Variants in ZNF385B observed in about 807,000 individuals in gnomAD.
ZNF385B encodes the protein zinc finger protein 385B.
Under a neutral mutation model 39.2 loss-of-function variants are expected in ZNF385B, and 23 were observed. The observed-to-expected ratio is 0.59, with a 90% confidence interval of 0.42 to 0.83. The LOEUF is 0.83. Among genes scored for constraint, ZNF385B ranks in the 40% least tolerant of loss-of-function variants. The pLI, the probability that ZNF385B is intolerant of heterozygous loss-of-function variation, is 0.00. For synonymous variants in ZNF385B, 205 were observed against 222.6 expected (o/e 0.92, Z 0.70); for missense variants, 552 against 598.9 (o/e 0.92, Z 0.82).
At chr2:179,818,757 A>G (rs1442104297) in intron 1 of ZNF385B, among the ~76,000 whole-genome samples, 1 of 152,092 alleles carries the variant, frequency 6.6e-6, no homozygotes, top group Non-Finnish European at 1.5e-5. Context: ...CAAGTGACTC[A>G]CCGTCTGTCT....
chr2:179,725,355 C>T (rs1220908450), intron 3 of ZNF385B, among the ~76,000 whole-genome samples: 1 of 151,882 alleles, frequency 6.6e-6, no homozygotes, highest in Admixed American at 6.6e-5. Context: ...CTATGACATA[C>T]TTTGTATAGT....
At chr2:179,464,541 G>A (rs1432375200) in intron 6 of ZNF385B, among the ~76,000 whole-genome samples, 1 of 152,124 alleles carries the variant, frequency 6.6e-6, no homozygotes, top group African/African-American at 2.4e-5. Flanking sequence ...TGTAAGGAAG[G>A]GGTCCAGTTT....
intron 1 of ZNF385B, among the ~76,000 whole-genome samples, chr2:179,796,613 G>T (rs976985692): frequency 2.6e-5 from 4 of 152,198 alleles, no homozygotes; most frequent in Admixed American, 2.0e-4. Context: ...TTCAGAGAGT[G>T]GCTAGTACTG....
rs553874692 is a variant in ZNF385B at position 179,555,210 on chromosome 2, T to G, written c.299-10241A>C. On this transcript the variant is annotated intron_variant, in intron 3 of 9. Transcript: ENST00000410066. ...ACCAATAGATCTTGCAAGCATAACG[T>G]TGAAGAAAAGAACTAAAATAAAGGA... Among the ~76,000 whole-genome samples the G allele has an allele frequency of 1.2e-4, 18 of 149,766 alleles. No individual in the cohort carries two copies. The South Asian group carries it at 3.6e-3, about 30-fold the overall frequency.
intron 3 of ZNF385B, among the ~76,000 whole-genome samples, chr2:179,599,361 G>T (rs891497841): frequency 6.6e-6 from 1 of 151,802 alleles, no homozygotes; most frequent in African/African-American, 2.4e-5. Flanking sequence ...ACAGTAAAAA[G>T]CAATGGAAAC....
At chr2:179,722,982 A>G (rs947745721) in intron 3 of ZNF385B, among the ~76,000 whole-genome samples, 14 of 152,204 alleles carry the variant, frequency 9.2e-5, no homozygotes, top group African/African-American at 3.4e-4. Context: ...TACCAGGGAT[A>G]TGCAAATTAA....
At chr2:179,727,517 C>G (rs1290587786) in intron 3 of ZNF385B, among the ~76,000 whole-genome samples, 2 of 152,040 alleles carry the variant, frequency 1.3e-5, no homozygotes, top group African/African-American at 2.4e-5. Context: ...AAGGAGTAAT[C>G]ATGGGAAACA....
intron 1 of ZNF385B, among the ~76,000 whole-genome samples, chr2:179,815,232 T>A (rs999651030): frequency 1.3e-5 from 2 of 152,094 alleles, no homozygotes; most frequent in African/African-American, 4.8e-5. Flanking sequence ...AGAGAATAGG[T>A]AGAGAGACTT....
rs532824149 is a variant in ZNF385B at position 179,685,325 on chromosome 2, C to T, written c.298+84178G>A. ...TTTCCAGATCATCAATCTTCATTCT[C>T]CAGACAGATACAATTGTTTGAAGTG... is the stretch of plus-strand genomic sequence containing the variant. On this transcript the variant is annotated intron_variant, in intron 3 of 9. Coordinates refer to ENST00000410066, the MANE Select transcript of ZNF385B (RefSeq NM_152520.6). Among the ~76,000 whole-genome samples, 91 of 152,306 alleles carry T rather than the reference C, an allele frequency of 6.0e-4. 1 individual carries two copies. In the South Asian group the frequency reaches 8.7e-3, roughly 15 times the overall value.
At chr2:179,846,420 C>T (rs1708803357) in intron 1 of ZNF385B, among the ~76,000 whole-genome samples, 1 of 152,172 alleles carries the variant, frequency 6.6e-6, no homozygotes, top group African/African-American at 2.4e-5. Flanking sequence ...CGGGGTTGCC[C>T]AGGAGCTAAC....
intron 1 of ZNF385B, among the ~76,000 whole-genome samples, chr2:179,858,912 A>G (rs1378230740): frequency 6.6e-6 from 1 of 152,212 alleles, no homozygotes; most frequent in East Asian, 1.9e-4. Flanking sequence ...CTTCAAATTC[A>G]GCTTGGAAAA....
chr2:179,556,305 A>G (rs1237270929), intron 3 of ZNF385B, among the ~76,000 whole-genome samples: 1 of 149,826 alleles, frequency 6.7e-6, no homozygotes. Flanking sequence ...CAGCGTTGAA[A>G]AGTATGAGAA....
At chr2:179,574,458 T>C (rs1685578044) in intron 3 of ZNF385B, among the ~76,000 whole-genome samples, 1 of 152,200 alleles carries the variant, frequency 6.6e-6, no homozygotes, top group African/African-American at 2.4e-5. Flanking sequence ...GCAAGATATT[T>C]ATCTGCTTTA....
intron 3 of ZNF385B, among the ~76,000 whole-genome samples, chr2:179,643,793 G>A (rs1692474105): frequency 6.6e-6 from 1 of 151,958 alleles, no homozygotes; most frequent in Non-Finnish European, 1.5e-5. Flanking sequence ...TGTGACTGTG[G>A]TGGTAGTTTC....
intron 3 of ZNF385B, among the ~76,000 whole-genome samples, chr2:179,671,551 C>G (rs1696002389): frequency 6.6e-6 from 1 of 152,160 alleles, no homozygotes; most frequent in African/African-American, 2.4e-5. Context: ...GTCCAAGATG[C>G]TAAAACAAAT....
intron 3 of ZNF385B, among the ~76,000 whole-genome samples, chr2:179,686,070 A>C (rs1006913425): frequency 1.3e-5 from 2 of 152,094 alleles, no homozygotes; most frequent in Admixed American, 1.3e-4. Context: ...TCATTTGCCC[A>C]CTTGAATCAA....
chr2:179,725,991 T>C (rs1263817602), intron 3 of ZNF385B, among the ~76,000 whole-genome samples: 1 of 151,330 alleles, frequency 6.6e-6, no homozygotes, highest in African/African-American at 2.4e-5. Context: ...TCCCACCTTA[T>C]AGGAAAAGAT....
chr2:179,474,872 T>G (rs1051376570), intron 6 of ZNF385B, among the ~76,000 whole-genome samples: 6 of 152,186 alleles, frequency 3.9e-5, no homozygotes, highest in African/African-American at 7.2e-5. Flanking sequence ...TTAAAATCTA[T>G]GTTTTGTAAA....
At chr2:179,477,214 C>T (rs1439484628) in intron 6 of ZNF385B, among the ~76,000 whole-genome samples, 2 of 151,988 alleles carry the variant, frequency 1.3e-5, no homozygotes, top group East Asian at 1.9e-4. Flanking sequence ...AATGATGAGG[C>T]GAGGGTCTCC....
Sources: gnomAD v4.1 joint callset for allele counts (sites outside exome capture counted in the v4.1 genomes callset) on GRCh38, gnomAD v4.1.1 for gene constraint, MANE v1.5 for transcripts, NCBI Gene and HGNC (gene_info 2026-07-23, HGNC 2026-07-21) for gene names.